ARSG: variants seen among roughly 807,000 people sequenced by gnomAD.
ARSG encodes the protein ASG.
ARSG carries 37 observed loss-of-function variants against 50.5 expected under a neutral mutation model. The observed-to-expected ratio is 0.73, with a 90% CI of 0.56 to 0.96. The LOEUF is 0.96. Among genes scored for constraint, ARSG ranks in the 50% least tolerant of loss-of-function variants. The pLI, the probability that ARSG is intolerant of heterozygous loss-of-function variation, is 0.00. For synonymous variants in ARSG, 225 were observed against 254.6 expected, an observed-to-expected ratio of 0.88 and a Z score of 1.11; for missense variants, 629 against 675.3, an observed-to-expected ratio of 0.93 and a Z score of 0.76.
intron 2 of ARSG, among the ~76,000 whole-genome samples, chr17:68,321,164 T>G (rs1190967283): frequency 6.6e-6 from 1 of 151,644 alleles, no homozygotes; most frequent in Non-Finnish European, 1.5e-5. Flanking sequence ...CTGGACAACA[T>G]AGCAAGACCC....
intron 9 of ARSG, among the ~76,000 whole-genome samples, chr17:68,387,012 G>A (rs564192923): frequency 6.0e-5 from 9 of 151,158 alleles, no homozygotes; most frequent in Middle Eastern, 3.4e-3. Context: ...AAGTTGTTGC[G>A]GTTTTTGCCA....
chr17:68,371,289 C>T (rs1445800271), intron 8 of ARSG, among the ~76,000 whole-genome samples: 1 of 145,466 alleles, frequency 6.9e-6, no homozygotes. Flanking sequence ...TGCACTCCAG[C>T]CTGGGCGAGA....
chr17:68,336,002 G>C (rs188074179), intron 2 of ARSG, among the ~76,000 whole-genome samples: 3 of 152,192 alleles, frequency 2.0e-5, no homozygotes, highest in African/African-American at 7.2e-5. Flanking sequence ...AGTTTCAAGC[G>C]ATTCTTCTGC....
chr17:68,384,099 T>C (rs1482245273), intron 8 of ARSG, among the ~76,000 whole-genome samples: 1 of 152,142 alleles, frequency 6.6e-6, no homozygotes, highest in Non-Finnish European at 1.5e-5. Flanking sequence ...TTGCTTTCAT[T>C]ATTCACACCA....
intron 1 of ARSG, among the ~76,000 whole-genome samples, chr17:68,281,186 T>C (rs534735402): frequency 6.6e-6 from 1 of 150,438 alleles, no homozygotes; most frequent in Non-Finnish European, 1.5e-5. Context: ...ATTTGCAAAC[T>C]ATTCATCTGA....
intron 1 of ARSG, among the ~76,000 whole-genome samples, chr17:68,278,643 A>G (rs2075601982): frequency 7.6e-6 from 1 of 131,604 alleles, no homozygotes; most frequent in Non-Finnish European, 1.6e-5. Context: ...TTTTTGAGAC[A>G]GAGTCTCACT....
the ARSG span, chr17:68,435,497 A>G: frequency 3.1e-6 from 3 of 955,166 alleles, no homozygotes; most frequent in Non-Finnish European, 5.0e-6. Context: ...TCTGAAACAA[A>G]TTCTGAGTGG....
intron 2 of ARSG, among the ~76,000 whole-genome samples, chr17:68,318,677 T>A (rs1283341190): frequency 6.6e-6 from 1 of 152,224 alleles, no homozygotes; most frequent in Non-Finnish European, 1.5e-5. Context: ...TTGCAATATG[T>A]TAACTTTGCG....
At chr17:68,311,820 T>TG (rs2076867073) in intron 2 of ARSG, among the ~76,000 whole-genome samples, 2 of 150,028 alleles carry the variant, frequency 1.3e-5, no homozygotes, top group African/African-American at 4.9e-5. Flanking sequence ...TTTTTTTTTT[T>TG]GACGGAGTCT....
At position 68,399,285 on chromosome 17, in the gene ARSG, C is replaced by G. The variant is rs937337174; in HGVS notation, c.1213-2075C>G. ...GCAAACTGACCACCCCCATCCACCC[C>G]CTTTGGAGGCTGTAGCTGTGCATCC... On this transcript the variant is annotated intron_variant, in intron 10 of 11. Coordinates refer to ENST00000621439, the MANE Select transcript of ARSG (RefSeq NM_001267727.2). The surrounding 1 kb of genome is among the most constrained non-coding windows in gnomAD (Gnocchi z 4.6). 6.6e-6 allele frequency among the ~76,000 whole-genome samples: 1 copy of G among 152,192 alleles called. No individual in the cohort carries two copies.
intron 6 of ARSG, among the ~76,000 whole-genome samples, chr17:68,364,507 G>A (rs1252786338): frequency 1.3e-5 from 2 of 152,032 alleles, no homozygotes; most frequent in Non-Finnish European, 2.9e-5. Flanking sequence ...TTACAGGCAC[G>A]CGTCACCATG....
chr17:68,379,289 G>T lies in ARSG; in HGVS notation c.983-5775G>T, dbSNP rs181013348. On this transcript the variant is annotated intron_variant, in intron 8 of 11. Coordinates refer to ENST00000621439, the MANE Select transcript of ARSG (RefSeq NM_001267727.2). ...AGGGTCTCACTCTGTTGCCCTGGCT[G>T]CAGTGCAGTGGTCTGATCATGGCTC... is the stretch of plus-strand genomic sequence containing the variant. 2.8e-3 allele frequency among the ~76,000 whole-genome samples: 426 copies of T among 152,242 alleles called. 1 individual carries two copies. Among genetic ancestry groups the T allele is most frequent in the Non-Finnish European group, 4.9e-3 (335 of 68,006 alleles).
chr17:68,389,736 C>T (rs192945682), intron 9 of ARSG, among the ~76,000 whole-genome samples: 28 of 152,258 alleles, frequency 1.8e-4, no homozygotes, highest in African/African-American at 6.5e-4. Flanking sequence ...TCCTGCCTCT[C>T]GCTTCCTGTC....
At chr17:68,437,493 G>A in the ARSG span, among the ~76,000 whole-genome samples, 1 of 151,978 alleles carries the variant, frequency 6.6e-6, no homozygotes, top group Non-Finnish European at 1.5e-5. Context: ...GGTGGAGGCT[G>A]CAGTGAGTGA....
chr17:68,300,844 T>G (rs1599623938), intron 1 of ARSG, among the ~76,000 whole-genome samples: 1 of 148,494 alleles, frequency 6.7e-6, no homozygotes, highest in African/African-American at 2.5e-5. Context: ...TGGTGTGAGG[T>G]CTCCAAGCTT....
chr17:68,278,029 G>C, intron 1 of ARSG: 1 of 1,155,114 alleles, frequency 8.7e-7, no homozygotes, highest in Non-Finnish European at 1.3e-6. Flanking sequence ...CCATTACCAA[G>C]GTAGCCAAAT....
At chr17:68,432,814 G>A in the ARSG span, among the ~76,000 whole-genome samples, 65 of 152,252 alleles carry the variant, frequency 4.3e-4, 1 homozygote, top group African/African-American at 1.4e-3. Context: ...GCCCCCCACC[G>A]TGGGGTATGA....
At chr17:68,372,664 A>G (rs4488519) in intron 8 of ARSG, among the ~76,000 whole-genome samples, 51,849 of 151,880 alleles carry the variant, frequency 0.34, 9,343 homozygotes, top group African/African-American at 0.4. Context: ...TGGGGATTAC[A>G]ATTCGTCATG....
In ARSG at chr17:68,381,182, C is replaced by T. The variant is rs2080413525; in HGVS notation, c.983-3882C>T. On this transcript the variant is annotated intron_variant, in intron 8 of 11. Coordinates refer to ENST00000621439, the MANE Select transcript of ARSG (RefSeq NM_001267727.2). The surrounding 1 kb of genome is among the most constrained non-coding windows in gnomAD (Gnocchi z 4.1). ...GTCCCAGCCAAGAAAGACCACTGTT[C>T]CTCCGCGTGGGCAGTGGTGAGTCTT... 6.6e-6 allele frequency among the ~76,000 whole-genome samples: 1 copy of T among 152,138 alleles called. No homozygotes were observed. The highest frequency in any genetic ancestry group is 1.5e-5 in the Non-Finnish European group (1 of 68,028).
Sources: allele counts gnomAD v4.1 joint callset (sites outside exome capture counted in the v4.1 genomes callset), GRCh38; gene constraint gnomAD v4.1.1; non-coding constraint Gnocchi (gnomAD v3.1); transcripts MANE v1.5; gene names NCBI Gene and HGNC (gene_info 2026-07-23, HGNC 2026-07-21).